Variants in PGM2L1 observed in about 807,000 individuals in gnomAD.
PGM2L1 encodes phosphoglucomutase 2 like 1.
Under a neutral mutation model 73.4 loss-of-function variants are expected in PGM2L1, and 35 were observed. That is an observed-to-expected ratio of 0.48 (90% confidence interval 0.36 to 0.63). The LOEUF is 0.63. Among genes scored for constraint, PGM2L1 ranks in the 30% least tolerant of loss-of-function variants. The pLI is 0.00. For missense variants in PGM2L1, 570 were observed against 742.0 expected, an observed-to-expected ratio of 0.77 and a Z score of 2.69; for synonymous variants, 225 against 253.8, an observed-to-expected ratio of 0.89 and a Z score of 1.08.
rs766865376 is a variant in PGM2L1, at chr11:74,351,464, T to C, written c.668A>G (p.Asp223Gly). The C allele has an allele frequency of 1.2e-6, 2 of 1,614,090 alleles. No homozygotes were observed. The highest frequency in any genetic ancestry group is 1.7e-5 in the Admixed American group (1 of 60,016). ...WNGSWNDNLVDTSPLKRDPLQ... is the reference protein window; with the variant it reads ...WNGSWNDNLVGTSPLKRDPLQ... ...AGGGTCTCTCTTCAGCGGGCTGGTA[T>C]CCACTAAATTATCATTCCAGGAACC... Residue 223 changes from aspartate (D) to glycine (G), a missense_variant, in exon 6 of 14, where the codon GAT becomes GGT. By Grantham distance (94) the Asp-to-Gly change is moderately conservative. Coordinates refer to ENST00000298198, the MANE Select transcript of PGM2L1 (RefSeq NM_173582.6).
At chr11:74,346,591 G>A in intron 8 of PGM2L1, 141 bp downstream of exon 8, 1 of 591,696 alleles carries the variant, frequency 1.7e-6, no homozygotes, top group East Asian at 2.6e-5. Flanking sequence ...TATCAACTTA[G>A]GTGGTTATTT....
chr11:74,336,198 A>C lies in PGM2L1; in HGVS notation c.*454T>G, dbSNP rs182818170. 2.4e-4 allele frequency: 36 copies of C among 152,424 alleles called. No homozygotes were observed. Among genetic ancestry groups the C allele is most frequent in the Admixed American group, 2.0e-3 (31 of 15,308 alleles). The allele number at this position is 152,424 out of a possible 1,614,324, so 9.4% of individuals were successfully genotyped here. ...CAATGACACTTTTTCATAACAATCA[A>C]GGAAAGTACCATTTTCTTGCCAATT... On this transcript the variant is annotated 3_prime_UTR_variant, in exon 14 of 14. Coordinates refer to ENST00000298198, the MANE Select transcript of PGM2L1 (RefSeq NM_173582.6).
At chr11:74,347,710 AT>A (rs1862290493) in intron 6 of PGM2L1, among the ~76,000 whole-genome samples, 1 of 152,116 alleles carries the variant, frequency 6.6e-6, no homozygotes, top group African/African-American at 2.4e-5. Context: ...TCCAGTTTAG[AT>A]TGCAAAGTAC....
At chr11:74,387,478 T>A (rs1456041451) in intron 1 of PGM2L1, among the ~76,000 whole-genome samples, 4 of 152,216 alleles carry the variant, frequency 2.6e-5, no homozygotes, top group Admixed American at 2.0e-4. Context: ...TAGTTTTCCT[T>A]CACCTATACT....
At chr11:74,358,022 T>C (rs1363624335) in intron 5 of PGM2L1, among the ~76,000 whole-genome samples, 1 of 152,184 alleles carries the variant, frequency 6.6e-6, no homozygotes, top group African/African-American at 2.4e-5. Context: ...AGAGGAGGAA[T>C]GGATGAATAG....
intron 2 of PGM2L1, among the ~76,000 whole-genome samples, chr11:74,373,455 G>A (rs987735858): frequency 6.6e-6 from 1 of 152,156 alleles, no homozygotes; most frequent in African/African-American, 2.4e-5. Context: ...TTAGAATTAT[G>A]TCTACTGAAC....
intron 12 of PGM2L1, among the ~76,000 whole-genome samples, chr11:74,342,121 G>A (rs1862191593): frequency 6.6e-6 from 1 of 152,150 alleles, no homozygotes; most frequent in Admixed American, 6.5e-5. Context: ...TGATCAGTGA[G>A]GTCATGACCA....
chr11:74,353,870 G>GTGGCCGGGCAGACGGGCCCCCCAC (rs1555098709), intron 5 of PGM2L1, among the ~76,000 whole-genome samples: 9 of 145,496 alleles, frequency 6.2e-5, no homozygotes, highest in African/African-American at 1.3e-4. Flanking sequence ...AGATGGGGTG[G>GTGGCCGGGCAGACGGGCCCCCCAC]CTGCCGGGCG....
intron 5 of PGM2L1, among the ~76,000 whole-genome samples, chr11:74,362,426 C>T (rs1166871064): frequency 6.6e-6 from 1 of 152,132 alleles, no homozygotes; most frequent in Non-Finnish European, 1.5e-5. Flanking sequence ...CCGGTACCAG[C>T]CACTGCAAAA....
chr11:74,355,682 G>T (rs1591174883), intron 5 of PGM2L1: 2 of 511,470 alleles, frequency 3.9e-6, no homozygotes, highest in Non-Finnish European at 7.8e-6. Flanking sequence ...GGCTATGGTG[G>T]TTCCAATAGC....
At chr11:74,389,258 TACA>T (rs948445551) in intron 1 of PGM2L1, among the ~76,000 whole-genome samples, 14 of 152,104 alleles carry the variant, frequency 9.2e-5, no homozygotes, top group African/African-American at 3.1e-4. Flanking sequence ...CCTGTTTCTC[TACA>T]AAACAAAACA....
At chr11:74,357,208 G>A (rs1363118765) in intron 5 of PGM2L1, among the ~76,000 whole-genome samples, 2 of 152,114 alleles carry the variant, frequency 1.3e-5, no homozygotes, top group African/African-American at 2.4e-5. Context: ...GAATTGATAA[G>A]CTGGATTTAA....
intron 1 of PGM2L1, among the ~76,000 whole-genome samples, chr11:74,378,946 ACTAGGGACTT>A (rs1180386865): frequency 6.6e-6 from 1 of 152,190 alleles, no homozygotes; most frequent in Non-Finnish European, 1.5e-5. Flanking sequence ...TCTGTTCATA[ACTAGGGACTT>A]CTATATTATT....
chr11:74,371,548 G>A (rs546954015), intron 3 of PGM2L1, among the ~76,000 whole-genome samples, 163 bp downstream of exon 3: 62 of 152,058 alleles, frequency 4.1e-4, no homozygotes, highest in African/African-American at 1.4e-3. Flanking sequence ...GCTTTTCTTT[G>A]AGATACTTTT....
At chr11:74,352,748 C>T (rs1565437617) in intron 5 of PGM2L1, among the ~76,000 whole-genome samples, 1 of 152,116 alleles carries the variant, frequency 6.6e-6, no homozygotes, top group Admixed American at 6.5e-5. Context: ...CAGCATAATT[C>T]ACAAGAGGAA....
chr11:74,343,926 G>A (rs565059979), intron 9 of PGM2L1, among the ~76,000 whole-genome samples: 2 of 151,808 alleles, frequency 1.3e-5, no homozygotes, highest in South Asian at 2.1e-4. Flanking sequence ...TTACAGGTGT[G>A]CCACCACGCC....
At chr11:74,393,771 C>A (rs906675690) in intron 1 of PGM2L1, among the ~76,000 whole-genome samples, 1 of 152,166 alleles carries the variant, frequency 6.6e-6, no homozygotes, top group African/African-American at 2.4e-5. Context: ...CTATAGCAGG[C>A]TGAGCAGCTC....
Position 74,334,289 on chromosome 11 carries a change from TTTTG to T in PGM2L1, c.*2359_*2362del, listed in dbSNP as rs1181524178. The T allele has an allele frequency of 1.3e-5, 2 of 152,218 alleles. No homozygotes were observed. The highest frequency in any genetic ancestry group is 4.8e-5 in the African/African-American group (2 of 41,446). The allele number at this position is 152,218 out of a possible 1,614,324, so 9.4% of individuals were successfully genotyped here. ...AGCCGTTGATTCATTTTAGCTTCAT[TTTTG>T]TTTATCAGTCACTGAAACACAGAAC... On this transcript the variant is annotated 3_prime_UTR_variant, in exon 14 of 14. Transcript: ENST00000298198.
intron 5 of PGM2L1, among the ~76,000 whole-genome samples, chr11:74,360,476 A>T (rs1862542152): frequency 6.6e-6 from 1 of 152,070 alleles, no homozygotes; most frequent in Non-Finnish European, 1.5e-5. Context: ...AGCTCCCAGC[A>T]GGACCGACGC....
Sources: gnomAD v4.1 joint callset for allele counts (sites outside exome capture counted in the v4.1 genomes callset) on GRCh38, gnomAD v4.1.1 for gene constraint, MANE v1.5 for transcripts, NCBI Gene and HGNC (gene_info 2026-07-23, HGNC 2026-07-21) for gene names.